NDUFAF6: variants seen among roughly 807,000 people sequenced by gnomAD.
NDUFAF6 encodes the protein NADH:ubiquinone oxidoreductase complex assembly factor 6.
A neutral mutation model predicts 40.8 loss-of-function variants in NDUFAF6; 45 were observed. That is an observed-to-expected ratio of 1.10 (90% CI 0.87 to 1.42). The LOEUF (loss-of-function observed/expected upper bound fraction) is 1.42. NDUFAF6 is among the 40% of genes most tolerant of loss of function. NDUFAF6 has a pLI of 0.00. For synonymous variants in NDUFAF6, 185 were observed against 155.9 expected (o/e 1.19, Z -1.39); for missense variants, 435 against 418.5 (o/e 1.04, Z -0.34).
intron 1 of NDUFAF6, among the ~76,000 whole-genome samples, chr8:94,933,835 G>GGC (rs796460969): frequency 0.013 from 184 of 14,284 alleles, 8 homozygotes; most frequent in African/African-American, 0.02. Flanking sequence ...AGCACTTTGT[G>GGC]GGGGGGGGGG....
intron 1 of NDUFAF6, among the ~76,000 whole-genome samples, chr8:94,970,364 G>C (rs1416991771): frequency 6.6e-6 from 1 of 151,974 alleles, no homozygotes; most frequent in East Asian, 1.9e-4. Context: ...TTCCAGGTCA[G>C]GGAATCCTAA....
chr8:94,964,407 C>CAACA (rs1823841807), intron 1 of NDUFAF6, among the ~76,000 whole-genome samples: 1 of 126,884 alleles, frequency 7.9e-6, no homozygotes, highest in Admixed American at 9.4e-5. Context: ...CCAGCCTGGG[C>CAACA]AACAGAGAGA....
At chr8:95,060,412 G>C (rs567949276), downstream of NDUFAF6, among the ~76,000 whole-genome samples, 1 of 152,260 alleles carries the variant, frequency 6.6e-6, no homozygotes, top group South Asian at 2.1e-4. Context: ...TCTCAATGTA[G>C]GTAAAGTTGC....
chr8:94,916,706 G>A (rs536307706), intron 1 of NDUFAF6, among the ~76,000 whole-genome samples: 242 of 151,776 alleles, frequency 1.6e-3, no homozygotes, highest in Non-Finnish European at 2.1e-3. Context: ...CCAGCTATTC[G>A]GGAGGCTGAA....
At chr8:95,113,474 G>T (rs1010704047) in intron 4 of NDUFAF6, among the ~76,000 whole-genome samples, 1 of 152,118 alleles carries the variant, frequency 6.6e-6, no homozygotes, top group Non-Finnish European at 1.5e-5. Context: ...TGCAGAGTAC[G>T]CAGAGTCTGA....
In NDUFAF6 at chr8:94,932,808, T is replaced by TA. The variant is rs749341346; in HGVS notation, c.-935-12665dup. ...AAGGAGCGAGACTCCGTCTCAAAAA[T>TA]AAAAAAAAAAGAATTTCAAATCCCA... On this transcript the variant is annotated intron_variant, in intron 1 of 14. Coordinates refer to the NDUFAF6 transcript ENST00000396113. 2.0e-4 allele frequency among the ~76,000 whole-genome samples: 28 copies of TA among 140,872 alleles called. No homozygotes were observed. In the East Asian group the frequency reaches 2.8e-3, roughly 14 times the overall value. 92.4% of individuals were successfully genotyped at this position (140,872 alleles called of 152,430 possible). A position where few individuals can be genotyped will look rare whatever the true frequency, so the allele number is the denominator to read the frequency against.
chr8:95,103,853 A>T (rs7821619), downstream of NDUFAF6, among the ~76,000 whole-genome samples: 4,720 of 152,178 alleles, frequency 0.031, 208 homozygotes, highest in African/African-American at 0.1. Context: ...TCTCTCCACA[A>T]TCCCTAGCTT....
chr8:94,955,352 G>C (rs1042259992), upstream of NDUFAF6, among the ~76,000 whole-genome samples: 2 of 152,136 alleles, frequency 1.3e-5, no homozygotes, highest in East Asian at 1.9e-4. Flanking sequence ...AGAGGAAGGG[G>C]GTCAAACTCA....
In NDUFAF6 at chr8:94,981,425, C is replaced by T. The variant is rs139815751; in HGVS notation, c.-84+452C>T. On this transcript the variant is annotated intron_variant, in intron 2 of 9. Transcript: ENST00000396111. ...GGTATATTGTTATAGCAACAGAAAACGGATTAAGACATATGTTGTACTTGA... is the reference window on the plus strand; with the variant it reads ...GGTATATTGTTATAGCAACAGAAAATGGATTAAGACATATGTTGTACTTGA... 9.3e-4 allele frequency among the ~76,000 whole-genome samples: 142 copies of T among 152,232 alleles called. 1 individual carries two copies. In the East Asian group the frequency reaches 0.019, roughly 20 times the overall value.
upstream of NDUFAF6, among the ~76,000 whole-genome samples, chr8:95,099,241 A>AAAAAC (rs772781260): frequency 6.6e-6 from 1 of 152,148 alleles, no homozygotes; most frequent in Non-Finnish European, 1.5e-5. Flanking sequence ...CCCTGTCTCA[A>AAAAAC]AAAACAAAAC....
upstream of NDUFAF6, among the ~76,000 whole-genome samples, chr8:95,020,649 C>T (rs902791118): frequency 1.5e-4 from 23 of 152,222 alleles, no homozygotes; most frequent in African/African-American, 4.6e-4. Context: ...GTCTTATTTC[C>T]GGTGCCAAAA....
At chr8:94,956,631 G>C (rs188669201), upstream of NDUFAF6, among the ~76,000 whole-genome samples, 1 of 152,188 alleles carries the variant, frequency 6.6e-6, no homozygotes, top group Non-Finnish European at 1.5e-5. Context: ...CCTGGCTACT[G>C]TGTAGGAAAC....
At chr8:95,100,173 T>C (rs11776488), upstream of NDUFAF6, among the ~76,000 whole-genome samples, 32,946 of 151,588 alleles carry the variant, frequency 0.22, 4,420 homozygotes, top group African/African-American at 0.38. Flanking sequence ...AAGGAATAAA[T>C]GAGCAATCAC....
chr8:94,917,432 A>G (rs1210368567), intron 1 of NDUFAF6, among the ~76,000 whole-genome samples: 2 of 152,220 alleles, frequency 1.3e-5, no homozygotes, highest in Non-Finnish European at 2.9e-5. Context: ...ACCTCCTAAT[A>G]TAACAATTGC....
chr8:95,064,354 CTCTT>C (rs199648390), intron 9 of NDUFAF6, among the ~76,000 whole-genome samples: 2,699 of 152,176 alleles, frequency 0.018, 70 homozygotes, highest in African/African-American at 0.061. Context: ...TTGTAATACA[CTCTT>C]TCTTAAGAGG....
intron 1 of NDUFAF6, among the ~76,000 whole-genome samples, chr8:94,970,548 G>A (rs898501366): frequency 2.2e-4 from 34 of 151,864 alleles, no homozygotes; most frequent in Admixed American, 1.0e-3. Flanking sequence ...CCATGATCTT[G>A]CCATTGCACT....
At chr8:95,098,582 A>C (rs1486065693), upstream of NDUFAF6, among the ~76,000 whole-genome samples, 1 of 152,228 alleles carries the variant, frequency 6.6e-6, no homozygotes, top group Non-Finnish European at 1.5e-5. Flanking sequence ...AGGAAGGAGA[A>C]TTGCTTTAAC....
chr8:95,073,787 G>A (rs1318540686), intron 9 of NDUFAF6, among the ~76,000 whole-genome samples: 1 of 152,182 alleles, frequency 6.6e-6, no homozygotes, highest in Non-Finnish European at 1.5e-5. Context: ...GCTCTCTCCA[G>A]AGGGTAGGGG....
At chr8:94,961,412 C>T (rs1563750915) in intron 1 of NDUFAF6, among the ~76,000 whole-genome samples, 1 of 152,188 alleles carries the variant, frequency 6.6e-6, no homozygotes, top group Non-Finnish European at 1.5e-5. Flanking sequence ...GAAGTCACAG[C>T]AACCATTATT....
Sources: gnomAD v4.1 joint callset for allele counts (sites outside exome capture counted in the v4.1 genomes callset) on GRCh38, gnomAD v4.1.1 for gene constraint, MANE v1.5 for transcripts, NCBI Gene and HGNC (gene_info 2026-07-23, HGNC 2026-07-21) for gene names.